The following CEMIP2 variants were observed in gnomAD, a reference collection of about 807,000 sequenced individuals.
CEMIP2 encodes the protein cell migration inducing hyaluronidase 2, also known as cell surface hyaluronidase CEMIP2.
CEMIP2 carries 79 observed loss-of-function variants against 146.9 expected under a neutral mutation model. The ratio of observed to expected loss-of-function variants is 0.54; its 90% CI spans 0.45 to 0.65. CEMIP2 has a LOEUF of 0.65. Among genes scored for constraint, CEMIP2 ranks in the 30% least tolerant of loss-of-function variants. CEMIP2 has a pLI of 0.00. For synonymous variants in CEMIP2, 601 were observed against 606.3 expected (o/e 0.99, Z 0.13); for missense variants, 1,596 against 1,696.2 (o/e 0.94, Z 1.04).
intron 4 of CEMIP2, among the ~76,000 whole-genome samples, chr9:71,743,090 C>T (rs556831565): frequency 6.6e-6 from 1 of 152,240 alleles, no homozygotes; most frequent in South Asian, 2.1e-4. Flanking sequence ...AGAAAATGAG[C>T]CAGCACTACA....
At chr9:71,728,815 T>TCGTG (rs1554684960) in intron 10 of CEMIP2, among the ~76,000 whole-genome samples, 1 of 148,204 alleles carries the variant, frequency 6.7e-6, no homozygotes, top group African/African-American at 2.5e-5. Context: ...TGTGGGGTTT[T>TCGTG]TGTGTGTGTG....
Position 71,685,348 on chromosome 9 carries a change from C to T in CEMIP2, c.4001G>A (p.Trp1334Ter). The change falls in exon 24 of 24, where the codon TGG (tryptophan) becomes TAG (stop). Residue 1334 changes from tryptophan (W) to a stop codon, truncating the protein, a stop_gained. Coordinates refer to ENST00000377044, the MANE Select transcript of CEMIP2 (RefSeq NM_013390.3). LOFTEE classifies it high-confidence loss of function. ...LGFSGNFKPSWTKLFTSPAGQ... is the reference protein window; with the variant it reads ...LGFSGNFKPS ...AGCAGGACTGGTAAATAGCTTAGTC[C>T]ATGATGGTTTAAAGTTTCCACTGAA... The T allele has an allele frequency of 6.3e-7, 1 of 1,585,056 alleles. No individual in the cohort carries two copies. The highest frequency in any genetic ancestry group is 8.5e-7 in the Non-Finnish European group (1 of 1,173,068).
In CEMIP2 at chr9:71,725,656, T is replaced by A; in HGVS notation, c.2103A>T (p.Gly701=). 6.2e-7 allele frequency: 1 copy of A among 1,614,048 alleles called. No individual in the cohort carries two copies. Among genetic ancestry groups the A allele is most frequent in the Non-Finnish European group, 8.5e-7 (1 of 1,179,964 alleles). ...FHKEPTGESS[G]LQLLAKPELT... Reference sequence around the variant, plus strand: ...GTTCTGGTTTTGCCAAGAGCTGCAATCCACTGGATTCCCCAGTTGGTTCCT... The same window carrying A: ...GTTCTGGTTTTGCCAAGAGCTGCAAACCACTGGATTCCCCAGTTGGTTCCT... The change falls in exon 11 of 24, where the codon GGA becomes GGT. Residue 701 remains glycine, a synonymous_variant. Coordinates refer to ENST00000377044, the MANE Select transcript of CEMIP2 (RefSeq NM_013390.3).
At chr9:71,715,501 T>A (rs73477441) in intron 14 of CEMIP2, among the ~76,000 whole-genome samples, 3,618 of 151,186 alleles carry the variant, frequency 0.024, 141 homozygotes, top group African/African-American at 0.083. Flanking sequence ...TGTTTTAGCC[T>A]CCCAAAATGC....
intron 10 of CEMIP2, among the ~76,000 whole-genome samples, chr9:71,727,353 A>G (rs1194563548): frequency 1.3e-5 from 2 of 152,102 alleles, no homozygotes; most frequent in African/African-American, 4.8e-5. Flanking sequence ...TTACTCAAAA[A>G]CTCACTTTCC....
chr9:71,729,063 C>T (rs1477266208), intron 10 of CEMIP2, among the ~76,000 whole-genome samples: 5 of 151,830 alleles, frequency 3.3e-5, no homozygotes, highest in Non-Finnish European at 5.9e-5. Context: ...TGGTCTCGAA[C>T]TCCTGAGCTC....
In CEMIP2 at chr9:71,750,052, C is replaced by A. The variant is rs761099328; in HGVS notation, c.322G>T (p.Ala108Ser). Residue 108 changes from alanine (A) to serine (S), a missense_variant, in exon 2 of 24, where the codon GCT becomes TCT. By Grantham distance (99) the Ala-to-Ser change is moderately conservative (BLOSUM62 1). Transcript: ENST00000377044. ...ATATACACACACTTACCATCTGGAGCATATTTTGAGGATATTCCTAAAATG... is the reference window on the plus strand; with the variant it reads ...ATATACACACACTTACCATCTGGAGAATATTTTGAGGATATTCCTAAAATG... ...AIILGISSKY[A>S]PDENCPDQNP... is the part of the protein sequence containing the mutation. 1.9e-6 allele frequency: 3 copies of A among 1,599,662 alleles called. No homozygotes were observed. In the African/African-American group the frequency reaches 4.0e-5, roughly 21 times the overall value.
At chr9:71,759,868 A>T (rs1430558580) in intron 1 of CEMIP2, among the ~76,000 whole-genome samples, 1 of 151,518 alleles carries the variant, frequency 6.6e-6, no homozygotes, top group Non-Finnish European at 1.5e-5. Flanking sequence ...TCTTTGTAGT[A>T]GGGGAAAAGT....
intron 15 of CEMIP2, among the ~76,000 whole-genome samples, chr9:71,714,366 G>GTGATGCTGATGATGA (rs1554682832): frequency 1.3e-5 from 2 of 151,786 alleles, no homozygotes; most frequent in East Asian, 3.9e-4. Flanking sequence ...TAATGACTCT[G>GTGATGCTGATGATGA]TGATGATGAT....
At chr9:71,701,546 A>G (rs755451776) in intron 18 of CEMIP2, among the ~76,000 whole-genome samples, 1 of 152,192 alleles carries the variant, frequency 6.6e-6, no homozygotes, top group Non-Finnish European at 1.5e-5. Flanking sequence ...ATATATGGAG[A>G]GTGGAACTGT....
chr9:71,723,136 GAAA>G (rs33948828), intron 11 of CEMIP2, among the ~76,000 whole-genome samples: 1 of 104,232 alleles, frequency 9.6e-6, no homozygotes, highest in Non-Finnish European at 1.8e-5. Flanking sequence ...AACAGCCAAA[GAAA>G]AAAAAAAAAA....
intron 10 of CEMIP2, among the ~76,000 whole-genome samples, chr9:71,728,318 CGT>C (rs1564012798): frequency 1.7e-4 from 5 of 29,588 alleles, no homozygotes; most frequent in African/African-American, 7.2e-4. Context: ...TATATATATA[CGT>C]ATATATATAT....
At chr9:71,769,140 G>A (rs907587193), upstream of CEMIP2, among the ~76,000 whole-genome samples, 4 of 152,138 alleles carry the variant, frequency 2.6e-5, no homozygotes, top group South Asian at 8.3e-4. Context: ...CCCTTCCTGG[G>A]CGCGCACACC....
At chr9:71,720,326 T>C (rs1233736873) in intron 12 of CEMIP2, among the ~76,000 whole-genome samples, 1 of 152,216 alleles carries the variant, frequency 6.6e-6, no homozygotes, top group Non-Finnish European at 1.5e-5. Context: ...AGTCTTGCCT[T>C]TTTGCTCAGG....
chr9:71,746,080 G>A, intron 3 of CEMIP2, 121 bp downstream of exon 3: 2 of 1,096,950 alleles, frequency 1.8e-6, no homozygotes, highest in South Asian at 1.6e-5. Flanking sequence ...TCCATGGTTA[G>A]AGTGACACCA....
chr9:71,705,054 A>G (rs1371699427), intron 17 of CEMIP2: 9 of 441,608 alleles, frequency 2.0e-5, no homozygotes, highest in Non-Finnish European at 3.7e-5. Flanking sequence ...ACTACAGGCC[A>G]GCTTATTCAT....
intron 6 of CEMIP2, among the ~76,000 whole-genome samples, chr9:71,734,057 G>A (rs1287187668): frequency 9.9e-5 from 15 of 151,866 alleles, no homozygotes; most frequent in African/African-American, 2.2e-4. Flanking sequence ...CGTATGGGCC[G>A]GGCCGGTCTC....
intron 1 of CEMIP2, among the ~76,000 whole-genome samples, chr9:71,766,317 C>T (rs1406941759): frequency 6.6e-6 from 1 of 152,182 alleles, no homozygotes; most frequent in Non-Finnish European, 1.5e-5. Flanking sequence ...AGGTGATCCA[C>T]CTGCCTCGGC....
In CEMIP2 at chr9:71,718,055, G is replaced by T. The variant is rs202015069; in HGVS notation, c.2292C>A (p.Asn764Lys). 4.3e-6 allele frequency: 7 copies of T among 1,611,682 alleles called. No homozygotes were observed. In the African/African-American group the frequency reaches 5.3e-5, roughly 12 times the overall value. ...SARFRPHQDA[N>K]PEKPRVAALI... ...GAGCAGCAACACGTGGTTTTTCGGG[G>T]TTTGCATCCTGATGAGGTCGAAATC... is the stretch of plus-strand genomic sequence containing the variant. The change falls in exon 13 of 24, where the codon AAC becomes AAA. Residue 764 changes from asparagine (N) to lysine (K), a missense_variant. Transcript: ENST00000377044.
Sources: allele counts gnomAD v4.1 joint callset (sites outside exome capture counted in the v4.1 genomes callset), GRCh38; gene constraint gnomAD v4.1.1; transcripts MANE v1.5; gene names NCBI Gene and HGNC (gene_info 2026-07-23, HGNC 2026-07-21).